PRPF19: variants seen among roughly 807,000 people sequenced by gnomAD.
PRPF19 encodes the protein pre-mRNA-processing factor 19.
A neutral mutation model predicts 64.2 loss-of-function variants in PRPF19; 2 were observed. That is an observed-to-expected ratio of 0.03 (90% CI 0.01 to 0.10). The LOEUF (loss-of-function observed/expected upper bound fraction) is 0.10, where lower values mean the gene tolerates loss of function less well. PRPF19 is among the 10% of genes least tolerant of loss of function. The probability of loss-of-function intolerance (pLI) is 1.00; values close to 1 mark genes in which losing one functional copy is unlikely to be tolerated. For missense variants in PRPF19, 314 were observed against 650.0 expected, an observed-to-expected ratio of 0.48 and a Z score of 5.62; for synonymous variants, 226 against 251.6, an observed-to-expected ratio of 0.90 and a Z score of 0.96.
chr11:60,901,592 T>C (rs1246629223), intron 6 of PRPF19, 52 bp from the exon 7 acceptor site: 7 of 1,602,368 alleles, frequency 4.4e-6, no homozygotes, highest in Non-Finnish European at 5.1e-6. Flanking sequence ...AGGAGAAAAG[T>C]ACATTAGATG....
chr11:60,903,691 A>T (rs1261896570), intron 2 of PRPF19, 21 bp downstream of exon 2: 3 of 1,584,670 alleles, frequency 1.9e-6, no homozygotes, highest in Non-Finnish European at 2.6e-6. Flanking sequence ...ATGGCCCTAG[A>T]CTAAGGCAGC....
In PRPF19 at chr11:60,896,361, G is replaced by A. The variant is rs140557941; in HGVS notation, c.1417+1485C>T. Among the ~76,000 whole-genome samples, 414 of 152,326 alleles carry A rather than the reference G, an allele frequency of 2.7e-3. 3 individuals are homozygous for A. Among genetic ancestry groups the A allele is most frequent in the African/African-American group, 9.7e-3 (403 of 41,558 alleles). On this transcript the variant is annotated intron_variant, in intron 15 of 15. Transcript: ENST00000227524. ...AGACCTTCCGGTGGGAAAAGATGTG[G>A]AGGTAGAAGACAGTGATGTTGGTGC...
chr11:60,892,158 G>A (rs1292875195), intron 15 of PRPF19, among the ~76,000 whole-genome samples: 1 of 152,188 alleles, frequency 6.6e-6, no homozygotes, highest in Non-Finnish European at 1.5e-5. Flanking sequence ...TTCAAGATCT[G>A]AAAGGGAAAG....
chr11:60,902,432 C>G lies in PRPF19; in HGVS notation c.496G>C (p.Val166Leu). 6.2e-7 allele frequency: 1 copy of G among 1,614,154 alleles called. No homozygotes were observed. The highest frequency in any genetic ancestry group is 8.5e-7 in the Non-Finnish European group (1 of 1,180,024). Residue 166 changes from valine (V) to leucine (L), a missense_variant, in exon 6 of 16, where the codon GTG becomes CTG. Val to Leu is a conservative substitution (Grantham distance 32). This residue lies in a region of PRPF19 where 175 missense variants were observed against 342.9 expected (regional missense o/e 0.51). Coordinates refer to ENST00000227524, the MANE Select transcript of PRPF19 (RefSeq NM_014502.5). The surrounding 1 kb of genome is among the most constrained non-coding windows in gnomAD (Gnocchi z 5.0). The part of the protein sequence containing the change: ...AGEPMDLGEL[V>L]GMTPEIIQKL... ...TGAATAATCTCTGGGGTCATTCCCA[C>G]CAGCTCACCCAAATCCATTGGCTCA...
At chr11:60,891,922 G>A (rs942405361) in intron 15 of PRPF19, among the ~76,000 whole-genome samples, 4 of 152,218 alleles carry the variant, frequency 2.6e-5, no homozygotes, top group African/African-American at 7.2e-5. Flanking sequence ...ACACTGAGCA[G>A]GGCTCAGGAG....
intron 10 of PRPF19, among the ~76,000 whole-genome samples, chr11:60,900,029 C>G (rs1366357793): frequency 6.6e-6 from 1 of 152,170 alleles, no homozygotes; most frequent in Non-Finnish European, 1.5e-5. Context: ...GAAATCTTGA[C>G]TGCGAAGCAC....
Position 60,898,516 on chromosome 11 carries a change from C to T in PRPF19, c.1140+25G>A. 1 of 1,613,922 alleles carries T rather than the reference C, an allele frequency of 6.2e-7. No homozygotes were observed. Among genetic ancestry groups the T allele is most frequent in the Non-Finnish European group, 8.5e-7 (1 of 1,179,994 alleles). ...AAACACTCCCTCTGGCCCTGGGCCT[C>T]AGATGGAGGCCTACCATGTCCTACC... is the stretch of plus-strand genomic sequence containing the variant. On this transcript the variant is annotated intron_variant, in intron 13 of 15. Coordinates refer to ENST00000227524, the MANE Select transcript of PRPF19 (RefSeq NM_014502.5). The surrounding 1 kb of genome is among the most constrained non-coding windows in gnomAD (Gnocchi z 4.6).
rs910656950 is a variant in PRPF19, at chr11:60,890,786, C to T, written c.*380G>A. On this transcript the variant is annotated 3_prime_UTR_variant, in exon 16 of 16. Transcript: ENST00000227524. ...CACTGCTTACAAAACCCTGCACAAG[C>T]CCTCCTGCCCATCCCCTTCACAGTT... 2.1e-6 allele frequency: 1 copy of T among 465,332 alleles called. No homozygotes were observed. Among genetic ancestry groups the T allele is most frequent in the Non-Finnish European group, 4.3e-6 (1 of 233,156 alleles). The allele number at this position is 465,332 out of a possible 1,614,324, so 28.8% of individuals were successfully genotyped here.
At chr11:60,899,098 T>C in intron 11 of PRPF19, 51 bp downstream of exon 11, 1 of 1,571,868 alleles carries the variant, frequency 6.4e-7, no homozygotes, top group Admixed American at 1.9e-5. Flanking sequence ...ACCCAGGATG[T>C]TCAAGCTTGG....
intron 1 of PRPF19, among the ~76,000 whole-genome samples, chr11:60,904,099 T>C (rs1005992377): frequency 6.6e-6 from 1 of 152,318 alleles, no homozygotes; most frequent in South Asian, 2.1e-4. Context: ...GACAATCATA[T>C]AGTCAACAAA....
chr11:60,892,248 A>G (rs552588345), intron 15 of PRPF19, among the ~76,000 whole-genome samples: 2 of 152,350 alleles, frequency 1.3e-5, no homozygotes, highest in South Asian at 4.1e-4. Context: ...TTTCTTCTCT[A>G]GCACTTATAA....
chr11:60,899,615 G>A (rs1235727485), intron 10 of PRPF19, among the ~76,000 whole-genome samples: 1 of 152,228 alleles, frequency 6.6e-6, no homozygotes, highest in Non-Finnish European at 1.5e-5. Context: ...TAGTACAATT[G>A]AGGGACTGAA....
intron 1 of PRPF19, chr11:60,905,406 C>T (rs1856034849): frequency 6.6e-6 from 1 of 152,196 alleles, no homozygotes; most frequent in Non-Finnish European, 1.5e-5. Context: ...ATTCCTTTTC[C>T]ATCATTTCCC....
chr11:60,896,456 T>C (rs1237010584), intron 15 of PRPF19, among the ~76,000 whole-genome samples: 1 of 152,174 alleles, frequency 6.6e-6, no homozygotes, highest in East Asian at 1.9e-4. Flanking sequence ...CCACGTGTTG[T>C]GGGAGGGAGC....
rs550776592 is a variant in PRPF19, at chr11:60,892,822, A to G, written c.1418-1559T>C. Among the ~76,000 whole-genome samples the G allele has an allele frequency of 1.2e-3, 181 of 152,270 alleles. 2 individuals are homozygous for G. Among genetic ancestry groups the G allele is most frequent in the African/African-American group, 4.2e-3 (173 of 41,552 alleles). On this transcript the variant is annotated intron_variant, in intron 15 of 15. Transcript: ENST00000227524. Reference sequence around the variant, plus strand: ...AAAATGAACTGGTCTCACAAGAGAGAAGACTAGATGCCAGTCTTTGTCACA... The same window carrying G: ...AAAATGAACTGGTCTCACAAGAGAGGAGACTAGATGCCAGTCTTTGTCACA...
chr11:60,898,622 G>C lies in PRPF19; in HGVS notation c.1059C>G (p.Leu353=). ...CGTCAGGGTGGAACTGTGCACAGGT[G>C]AGAGCTGTGGAGGAGGGAAGAGAGA... The part of the protein sequence containing the change: ...KVTDETSGCS[L]TCAQFHPDGL... Residue 353 remains leucine (L), a synonymous_variant, in exon 13 of 16, where the codon CTC becomes CTG. Transcript: ENST00000227524. This position sits in a 1 kb window ranked among gnomAD's most constrained non-coding sequence, Gnocchi z 4.6. 6.2e-7 allele frequency: 1 copy of C among 1,614,116 alleles called. No individual in the cohort carries two copies. The highest frequency in any genetic ancestry group is 1.1e-5 in the South Asian group (1 of 91,046).
chr11:60,891,387 C>T (rs1465893229), intron 15 of PRPF19, 124 bp from the exon 16 acceptor site: 1 of 734,904 alleles, frequency 1.4e-6, no homozygotes, highest in Non-Finnish European at 2.3e-6. Context: ...ACACCGCAGG[C>T]TCCTGTTTGT....
intron 15 of PRPF19, among the ~76,000 whole-genome samples, chr11:60,894,658 G>A (rs1204696139): frequency 6.6e-6 from 1 of 152,134 alleles, no homozygotes; most frequent in African/African-American, 2.4e-5. Context: ...AATCACAAAT[G>A]TTCTTAAGGG....
Position 60,900,939 on chromosome 11 carries a change from G to C in PRPF19, c.643-10C>G, listed in dbSNP as rs1462651764. On this transcript the variant is annotated splice_polypyrimidine_tract_variant and intron_variant, in intron 8 of 15. Transcript: ENST00000227524. Reference sequence around the variant, plus strand: ...TGGCACTGTGCAACCCCTTTGCAGAGAGACACACCAAACCCTGTCACGGCC... The same window carrying C: ...TGGCACTGTGCAACCCCTTTGCAGACAGACACACCAAACCCTGTCACGGCC... The C allele has an allele frequency of 1.2e-6, 2 of 1,614,004 alleles. No individual in the cohort carries two copies. Among genetic ancestry groups the C allele is most frequent in the South Asian group, 1.1e-5 (1 of 91,070 alleles).
Sources: gnomAD v4.1 joint callset for allele counts (sites outside exome capture counted in the v4.1 genomes callset) on GRCh38, gnomAD v4.1.1 for gene constraint, gnomAD v4.1.1 regional missense constraint, Gnocchi (gnomAD v3.1) non-coding constraint, MANE v1.5 for transcripts, NCBI Gene and HGNC (gene_info 2026-07-23, HGNC 2026-07-21) for gene names.